TESC: variants seen among roughly 807,000 people sequenced by gnomAD.
The protein encoded by TESC is tescalcin.
In TESC, 19 loss-of-function variants were observed where a neutral mutation model predicts 31.0. The observed-to-expected ratio is 0.61, with a 90% confidence interval of 0.43 to 0.90. The LOEUF (loss-of-function observed/expected upper bound fraction) is 0.90, where lower values mean the gene tolerates loss of function less well. Among genes scored for constraint, TESC ranks in the 40% least tolerant of loss-of-function variants. TESC has a pLI of 0.00. For synonymous variants in TESC, 109 were observed against 114.8 expected, an observed-to-expected ratio of 0.95 and a Z score of 0.32; for missense variants, 248 against 303.8, an observed-to-expected ratio of 0.82 and a Z score of 1.36.
At chr12:117,085,360 G>A (rs1955206594) in intron 1 of TESC, among the ~76,000 whole-genome samples, 1 of 152,184 alleles carries the variant, frequency 6.6e-6, no homozygotes, top group African/African-American at 2.4e-5. Flanking sequence ...GCAATAGACA[G>A]CGTGGGTGTG....
chr12:117,071,983 G>A (rs961036333), intron 2 of TESC, among the ~76,000 whole-genome samples: 1 of 152,204 alleles, frequency 6.6e-6, no homozygotes, highest in African/African-American at 2.4e-5. Context: ...AGATTCCCAG[G>A]TGATTCGAGC....
intron 1 of TESC, among the ~76,000 whole-genome samples, chr12:117,075,847 GTATATATA>G (rs57455838): frequency 4.5e-5 from 3 of 67,222 alleles, no homozygotes; most frequent in East Asian, 7.2e-4. Context: ...GTGTGTGTGT[GTATATATA>G]TATATATATA....
intron 6 of TESC, among the ~76,000 whole-genome samples, chr12:117,042,774 C>T (rs1954503947): frequency 6.6e-6 from 1 of 152,222 alleles, no homozygotes; most frequent in Admixed American, 6.5e-5. Context: ...CGAAAACCCG[C>T]TGACATCCCA....
intron 2 of TESC, among the ~76,000 whole-genome samples, chr12:117,068,398 T>G (rs1268872557): frequency 6.6e-6 from 1 of 151,848 alleles, no homozygotes; most frequent in African/African-American, 2.4e-5. Context: ...GGTGTGGAGG[T>G]GGGTGCCATA....
intron 2 of TESC, among the ~76,000 whole-genome samples, chr12:117,067,503 C>T (rs1022003375): frequency 6.6e-6 from 1 of 152,100 alleles, no homozygotes; most frequent in Non-Finnish European, 1.5e-5. Flanking sequence ...GCCCGGGAGT[C>T]GGAGGCTGCA....
At chr12:117,052,554 C>A (rs1029688674) in intron 3 of TESC, among the ~76,000 whole-genome samples, 3 of 152,194 alleles carry the variant, frequency 2.0e-5, no homozygotes, top group Non-Finnish European at 2.9e-5. Flanking sequence ...TTTCTCCACA[C>A]CAGGTTTCTC....
rs377512972 is a variant in TESC, at chr12:117,085,411, G to C, written c.59-10071C>G. ...CAGCAGGTGCAGCCGCCCAGGGTGA[G>C]GGTCGGGAAGGCAGAAGGTGGAAGG... On this transcript the variant is annotated intron_variant, in intron 1 of 7. Coordinates refer to ENST00000335209, the MANE Select transcript of TESC (RefSeq NM_017899.4). Among the ~76,000 whole-genome samples, 166 of 152,266 alleles carry C rather than the reference G, an allele frequency of 1.1e-3. 1 individual carries two copies. The highest frequency in any genetic ancestry group is 3.9e-3 in the African/African-American group (164 of 41,558).
intron 4 of TESC, among the ~76,000 whole-genome samples, chr12:117,047,909 C>A (rs1441173772): frequency 6.6e-6 from 1 of 151,964 alleles, no homozygotes; most frequent in Non-Finnish European, 1.5e-5. Context: ...ATGCCGTGCT[C>A]ATTTTTTTAT....
intron 1 of TESC, among the ~76,000 whole-genome samples, chr12:117,076,400 C>T (rs2135787201): frequency 6.6e-6 from 1 of 152,318 alleles, no homozygotes; most frequent in African/African-American, 2.4e-5. Context: ...CTGCATTTCT[C>T]ACTTCATTAT....
chr12:117,092,911 G>C (rs576406534), intron 1 of TESC, among the ~76,000 whole-genome samples: 2 of 152,346 alleles, frequency 1.3e-5, no homozygotes, highest in African/African-American at 4.8e-5. Flanking sequence ...AACAAGGGCA[G>C]AGGGCCCTCC....
intron 2 of TESC, among the ~76,000 whole-genome samples, chr12:117,068,203 G>C (rs1954913841): frequency 6.6e-6 from 1 of 151,420 alleles, no homozygotes; most frequent in African/African-American, 2.4e-5. Context: ...CAATCTTGTG[G>C]TAACTTCAAA....
At chr12:117,079,068 G>A (rs969498145) in intron 1 of TESC, among the ~76,000 whole-genome samples, 1 of 152,142 alleles carries the variant, frequency 6.6e-6, no homozygotes, top group African/African-American at 2.4e-5. Flanking sequence ...CTTGCTCAAG[G>A]TCACTGACCT....
At chr12:117,049,903 G>GAAAAAAA (rs66797686) in intron 3 of TESC, among the ~76,000 whole-genome samples, 1 of 86,448 alleles carries the variant, frequency 1.2e-5, no homozygotes. Flanking sequence ...CCTGTCTCAA[G>GAAAAAAA]AAAAAAAAAA....
chr12:117,089,274 C>T (rs7965381), intron 1 of TESC, among the ~76,000 whole-genome samples: 6 of 152,178 alleles, frequency 3.9e-5, no homozygotes, highest in Non-Finnish European at 8.8e-5. Context: ...AAGCTTGAGA[C>T]ACCTAGCACA....
chr12:117,050,802 G>A (rs1954638052), intron 3 of TESC, among the ~76,000 whole-genome samples: 1 of 152,174 alleles, frequency 6.6e-6, no homozygotes, highest in Non-Finnish European at 1.5e-5. Context: ...GTGTGCACCT[G>A]TAGTCCCAGC....
intron 2 of TESC, among the ~76,000 whole-genome samples, chr12:117,066,939 T>C (rs1003686275): frequency 3.9e-5 from 6 of 152,180 alleles, no homozygotes; most frequent in Non-Finnish European, 8.8e-5. Flanking sequence ...CTAATAAAAC[T>C]AAGACTGTTT....
intron 6 of TESC, 193 bp downstream of exon 6, chr12:117,046,366 C>T (rs1244148086): frequency 1.6e-6 from 1 of 611,228 alleles, no homozygotes; most frequent in East Asian, 2.8e-5. Context: ...CTGCCTTATG[C>T]AGCTCTCTGG....
Position 117,099,227 on chromosome 12 carries a change from C to G in TESC, c.56G>C (p.Gly19Ala). The change falls in exon 1 of 8, where the codon GGC becomes GCC. Residue 19 changes from glycine to alanine, a missense_variant and splice_region_variant. Coordinates refer to ENST00000335209, the MANE Select transcript of TESC (RefSeq NM_017899.4). ...EEVRELEGKTGFSSDQIEQLH... is the reference protein window; with the variant it reads ...EEVRELEGKTAFSSDQIEQLH... Reference sequence around the variant, plus strand: ...CGCCGCCCCCCGCGGGTACTCACAGCCGGTCTTGCCCTCGAGCTCCCGCAC... The same window carrying G: ...CGCCGCCCCCCGCGGGTACTCACAGGCGGTCTTGCCCTCGAGCTCCCGCAC... 2.0e-6 allele frequency: 3 copies of G among 1,481,194 alleles called. No homozygotes were observed. In the South Asian group the frequency reaches 3.8e-5, roughly 19 times the overall value. The allele number at this position is 1,481,194 out of a possible 1,614,324, so 91.8% of individuals were successfully genotyped here.
chr12:117,075,895 A>ATATATATATATATATGTGTG (rs1955057993), intron 1 of TESC, among the ~76,000 whole-genome samples: 2 of 83,054 alleles, frequency 2.4e-5, no homozygotes, highest in Admixed American at 1.2e-4. Context: ...ATATATATAT[A>ATATATATATATATATGTGTG]TATATATATA....
Sources: gnomAD v4.1 joint callset for allele counts (sites outside exome capture counted in the v4.1 genomes callset) on GRCh38, gnomAD v4.1.1 for gene constraint, MANE v1.5 for transcripts, NCBI Gene and HGNC (gene_info 2026-07-23, HGNC 2026-07-21) for gene names.